AUTS2: variants seen among roughly 807,000 people sequenced by gnomAD.
The protein encoded by AUTS2 is activator of transcription and developmental regulator AUTS2, also known as autism susceptibility gene 2 protein.
Under a neutral mutation model 112.4 loss-of-function variants are expected in AUTS2, and 17 were observed. The ratio of observed to expected loss-of-function variants is 0.15; its 90% CI spans 0.10 to 0.23. AUTS2 has a LOEUF of 0.23. Among genes scored for constraint, AUTS2 ranks in the 10% least tolerant of loss-of-function variants. The pLI, the probability that AUTS2 is intolerant of heterozygous loss-of-function variation, is 1.00. For missense variants in AUTS2, 1,510 were observed against 1,701.6 expected (o/e 0.89, Z 1.98); for synonymous variants, 751 against 702.7 (o/e 1.07, Z -1.09).
intron 4 of AUTS2, among the ~76,000 whole-genome samples, chr7:70,187,927 G>A (rs1489383995): frequency 6.6e-6 from 1 of 152,016 alleles, no homozygotes; most frequent in African/African-American, 2.4e-5. Flanking sequence ...CGTTGCCTCT[G>A]CCAGAATGAC....
In AUTS2 at chr7:69,946,557, TACACACACACACACACACACACAC is replaced by T. The variant is rs57891742; in HGVS notation, c.522+47086_522+47109del. On this transcript the variant is annotated intron_variant, in intron 2 of 18. Coordinates refer to ENST00000342771, the MANE Select transcript of AUTS2 (RefSeq NM_015570.4). ...AATGGATAAAGAAAATGTGATGTGA[TACACACACACACACACACACACAC>T]ACACACACACACACACACACACACA... Among the ~76,000 whole-genome samples the T allele has an allele frequency of 4.2e-3, 605 of 144,038 alleles. 7 individuals carry two copies. The highest frequency in any genetic ancestry group is 0.011 in the African/African-American group (440 of 39,012). 94.5% of individuals were successfully genotyped at this position (144,038 alleles called of 152,430 possible). A position where few individuals can be genotyped will look rare whatever the true frequency, so the allele number is the denominator to read the frequency against.
In AUTS2 at chr7:70,786,093, C is replaced by T. The variant is rs193205868; in HGVS notation, c.2308+55C>T. 187 of 1,461,576 alleles carry T rather than the reference C, an allele frequency of 1.3e-4. 1 individual carries two copies. In the African/African-American group the frequency reaches 2.0e-3, roughly 16 times the overall value. 90.5% of individuals were successfully genotyped at this position (1,461,576 alleles called of 1,614,324 possible). On this transcript the variant is annotated intron_variant, in intron 17 of 18. Coordinates refer to ENST00000342771, the MANE Select transcript of AUTS2 (RefSeq NM_015570.4). ...CTTGGACTTTTTATCTCCTGTGATC[C>T]GCATATGGCTCAAGACCTTTCTAGA... is the stretch of plus-strand genomic sequence containing the variant.
At chr7:70,693,063 C>T (rs1808839304) in intron 5 of AUTS2, among the ~76,000 whole-genome samples, 1 of 152,180 alleles carries the variant, frequency 6.6e-6, no homozygotes, top group African/African-American at 2.4e-5. Flanking sequence ...CTTGCTTGCT[C>T]TTTTTCTTGT....
chr7:70,307,008 C>T (rs1789523124), intron 4 of AUTS2, among the ~76,000 whole-genome samples: 1 of 152,064 alleles, frequency 6.6e-6, no homozygotes, highest in South Asian at 2.1e-4. Flanking sequence ...TCTTAGATAA[C>T]TGTTTTTGTA....
chr7:69,701,384 A>G (rs1205795731), intron 1 of AUTS2, among the ~76,000 whole-genome samples: 1 of 152,210 alleles, frequency 6.6e-6, no homozygotes, highest in African/African-American at 2.4e-5. Context: ...AATGCCATTC[A>G]TTCAGCCAGT....
At chr7:70,767,866 T>C (rs1377812347) in intron 9 of AUTS2, among the ~76,000 whole-genome samples, 158 bp from the exon 10 acceptor site, 1 of 152,208 alleles carries the variant, frequency 6.6e-6, no homozygotes, top group Admixed American at 6.5e-5. Flanking sequence ...TGGCTTCTTG[T>C]CAGGGAGACT....
At chr7:69,897,606 A>G (rs1794805200) in intron 1 of AUTS2, among the ~76,000 whole-genome samples, 1 of 152,010 alleles carries the variant, frequency 6.6e-6, no homozygotes, top group Admixed American at 6.6e-5. Flanking sequence ...AAAAACAAAA[A>G]AAATGGCTGG....
At chr7:70,252,959 T>C (rs1460564524) in intron 4 of AUTS2, among the ~76,000 whole-genome samples, 1 of 152,202 alleles carries the variant, frequency 6.6e-6, no homozygotes, top group Non-Finnish European at 1.5e-5. Flanking sequence ...TTTCTGCCAG[T>C]ACCATACCTT....
chr7:69,979,818 G>C (rs1798219655), intron 2 of AUTS2, among the ~76,000 whole-genome samples: 2 of 152,244 alleles, frequency 1.3e-5, no homozygotes, highest in South Asian at 2.1e-4. Context: ...GCAGCAGAGA[G>C]AGAAAAGAGG....
intron 4 of AUTS2, among the ~76,000 whole-genome samples, chr7:70,428,051 A>G (rs1327340130): frequency 6.6e-6 from 1 of 152,124 alleles, no homozygotes; most frequent in Non-Finnish European, 1.5e-5. Context: ...TTAGGCTTTC[A>G]TTTTATCTGA....
At chr7:70,356,264 A>G (rs1005635592) in intron 4 of AUTS2, among the ~76,000 whole-genome samples, 1 of 152,208 alleles carries the variant, frequency 6.6e-6, no homozygotes, top group Non-Finnish European at 1.5e-5. Context: ...AAACTGCTGT[A>G]TCAAGTTTCA....
At chr7:70,785,890 G>A in intron 16 of AUTS2, 65 bp from the exon 17 acceptor site, 1 of 1,506,606 alleles carries the variant, frequency 6.6e-7, no homozygotes, top group Non-Finnish European at 9.2e-7. Context: ...CTGCTCCCAG[G>A]AAGCTCTGGG....
At chr7:70,170,251 C>T (rs1353811555) in intron 4 of AUTS2, among the ~76,000 whole-genome samples, 1 of 150,244 alleles carries the variant, frequency 6.7e-6, no homozygotes, top group Non-Finnish European at 1.5e-5. Context: ...TCTCTACCTC[C>T]TGGGCTCAAG....
intron 1 of AUTS2, among the ~76,000 whole-genome samples, chr7:69,686,113 A>G (rs965056245): frequency 6.6e-6 from 1 of 152,190 alleles, no homozygotes; most frequent in Non-Finnish European, 1.5e-5. Flanking sequence ...TATACCAAAG[A>G]TAAATTTTAT....
At chr7:70,178,362 C>T in intron 4 of AUTS2, among the ~76,000 whole-genome samples, 1 of 151,996 alleles carries the variant, frequency 6.6e-6, no homozygotes, top group South Asian at 2.1e-4. Flanking sequence ...GGTTGGTTCT[C>T]TTGGTTTCCT....
intron 5 of AUTS2, among the ~76,000 whole-genome samples, chr7:70,680,280 G>A (rs1346329798): frequency 6.6e-6 from 1 of 152,182 alleles, no homozygotes; most frequent in African/African-American, 2.4e-5. Context: ...ATCACAGAGA[G>A]AGAGAGATTA....
At chr7:69,611,123 T>C (rs1437967516) in intron 1 of AUTS2, among the ~76,000 whole-genome samples, 2 of 152,236 alleles carry the variant, frequency 1.3e-5, no homozygotes, top group East Asian at 3.8e-4. Context: ...GACATAAGGG[T>C]ATTTTAATTG....
intron 4 of AUTS2, among the ~76,000 whole-genome samples, chr7:70,170,528 T>C (rs1412558661): frequency 1.3e-5 from 2 of 152,006 alleles, no homozygotes; most frequent in Non-Finnish European, 2.9e-5. Context: ...ACAAGCATTA[T>C]AGATCACAGA....
chr7:70,327,742 A>G (rs1244628847), intron 4 of AUTS2, among the ~76,000 whole-genome samples: 1 of 152,184 alleles, frequency 6.6e-6, no homozygotes, highest in Non-Finnish European at 1.5e-5. Flanking sequence ...AAAACTTTCT[A>G]TTCCTCATCC....
Sources: gnomAD v4.1 joint callset for allele counts (sites outside exome capture counted in the v4.1 genomes callset) on GRCh38, gnomAD v4.1.1 for gene constraint, MANE v1.5 for transcripts, NCBI Gene and HGNC (gene_info 2026-07-23, HGNC 2026-07-21) for gene names.